TMEM131: variants seen among roughly 807,000 people sequenced by gnomAD.
TMEM131 encodes transmembrane protein 131.
TMEM131 carries 66 observed loss-of-function variants against 211.6 expected under a neutral mutation model. The ratio of observed to expected loss-of-function variants is 0.31; its 90% CI spans 0.26 to 0.38. The LOEUF (loss-of-function observed/expected upper bound fraction) is 0.38. Ranked by LOEUF, TMEM131 falls within the 10% of genes least tolerant of loss-of-function variation. TMEM131 has a pLI of 1.00. For missense variants in TMEM131, 2,036 were observed against 2,299.3 expected, an observed-to-expected ratio of 0.89 and a Z score of 2.34; for synonymous variants, 844 against 841.3, an observed-to-expected ratio of 1.00 and a Z score of -0.06.
intron 35 of TMEM131, chr2:97,765,280 C>A (rs566949413): frequency 5.6e-4 from 86 of 152,356 alleles, no homozygotes; most frequent in African/African-American, 1.7e-3. Context: ...CCGGCGAGAG[C>A]GTGGACGCCC....
intron 3 of TMEM131, among the ~76,000 whole-genome samples, chr2:97,906,079 G>A (rs970360215): frequency 1.3e-5 from 2 of 152,110 alleles, no homozygotes; most frequent in Admixed American, 1.3e-4. Flanking sequence ...AGTTGTAAGG[G>A]GTATCAAGAC....
chr2:97,993,272 C>T (rs1476423409), intron 1 of TMEM131, among the ~76,000 whole-genome samples: 2 of 152,168 alleles, frequency 1.3e-5, no homozygotes, highest in South Asian at 2.1e-4. Flanking sequence ...AAAATTCCTC[C>T]GGGTGTGAAT....
intron 11 of TMEM131, among the ~76,000 whole-genome samples, chr2:97,821,468 T>G (rs1682117205): frequency 6.6e-6 from 1 of 152,308 alleles, no homozygotes; most frequent in Non-Finnish European, 1.5e-5. Context: ...TGTGGAAGCT[T>G]TGTTCTTTCA....
At chr2:97,937,258 A>G (rs1347935242) in intron 1 of TMEM131, among the ~76,000 whole-genome samples, 3 of 152,212 alleles carry the variant, frequency 2.0e-5, no homozygotes, top group Non-Finnish European at 4.4e-5. Context: ...GAAATTCTGG[A>G]CATAAAAGTA....
chr2:97,965,277 C>T (rs1031327474), intron 1 of TMEM131, among the ~76,000 whole-genome samples: 5 of 152,156 alleles, frequency 3.3e-5, no homozygotes, highest in East Asian at 1.9e-4. Flanking sequence ...TCTCCTTCAC[C>T]GATTAATTCT....
chr2:97,839,366 AAC>A (rs1254324006), intron 7 of TMEM131, among the ~76,000 whole-genome samples: 3 of 151,906 alleles, frequency 2.0e-5, no homozygotes, highest in African/African-American at 4.8e-5. Context: ...CAACCAAAAA[AAC>A]CCCCAGAAGA....
chr2:97,833,261 C>A, intron 11 of TMEM131, 104 bp downstream of exon 11: 2 of 611,162 alleles, frequency 3.3e-6, no homozygotes, highest in Non-Finnish European at 5.5e-6. Context: ...AGGTCATCAC[C>A]AAATATAATT....
intron 22 of TMEM131, 49 bp downstream of exon 22, chr2:97,805,039 A>C: frequency 1.6e-6 from 2 of 1,235,406 alleles, no homozygotes; most frequent in Non-Finnish European, 2.3e-6. Flanking sequence ...TTATGTTTCA[A>C]TAGTCATCTT....
chr2:97,929,743 A>T (rs116177469), intron 1 of TMEM131, among the ~76,000 whole-genome samples: 2,212 of 151,930 alleles, frequency 0.015, 34 homozygotes, highest in Non-Finnish European at 0.022. Flanking sequence ...GCATATAGAG[A>T]ATATTCAATA....
intron 4 of TMEM131, among the ~76,000 whole-genome samples, chr2:97,885,600 T>C (rs550155464): frequency 2.0e-5 from 3 of 152,282 alleles, no homozygotes; most frequent in African/African-American, 7.2e-5. Flanking sequence ...TAATATATCA[T>C]TTCATTCTTT....
At chr2:97,771,649 G>A (rs1679470329) in intron 33 of TMEM131, among the ~76,000 whole-genome samples, 1 of 152,200 alleles carries the variant, frequency 6.6e-6, no homozygotes, top group South Asian at 2.1e-4. Context: ...AAAATTATCA[G>A]GTAGATGCTG....
At chr2:97,933,651 A>G (rs1677322637) in intron 1 of TMEM131, among the ~76,000 whole-genome samples, 1 of 152,100 alleles carries the variant, frequency 6.6e-6, no homozygotes, top group South Asian at 2.1e-4. Flanking sequence ...ATTAACTTAG[A>G]CAAAAAAAAA....
intron 11 of TMEM131, among the ~76,000 whole-genome samples, chr2:97,830,285 T>A (rs531001867): frequency 6.6e-6 from 1 of 152,126 alleles, no homozygotes; most frequent in African/African-American, 2.4e-5. Context: ...AATCAACACC[T>A]TGTAGTAAGC....
chr2:97,757,677 AG>A (rs1056251984), intron 40 of TMEM131, among the ~76,000 whole-genome samples: 5 of 152,292 alleles, frequency 3.3e-5, no homozygotes, highest in African/African-American at 1.2e-4. Context: ...CTGGGATTAC[AG>A]GCACTAGCCA....
intron 7 of TMEM131, among the ~76,000 whole-genome samples, chr2:97,837,859 T>C (rs1411283457): frequency 2.0e-5 from 3 of 152,244 alleles, no homozygotes; most frequent in Non-Finnish European, 4.4e-5. Context: ...AGCTTCCTCA[T>C]GCCTTGTGCA....
chr2:97,938,659 A>G (rs1677563911), intron 1 of TMEM131, among the ~76,000 whole-genome samples: 1 of 152,306 alleles, frequency 6.6e-6, no homozygotes. Flanking sequence ...AATTGAACTC[A>G]GGTCTGCACC....
intron 3 of TMEM131, among the ~76,000 whole-genome samples, chr2:97,904,798 CT>C (rs74265071): frequency 0.01 from 1,403 of 138,600 alleles, 13 homozygotes; most frequent in African/African-American, 0.02. Flanking sequence ...GGCTATAGTT[CT>C]TTTTTTTTTT....
At chr2:97,981,735 C>T (rs1679808125) in intron 1 of TMEM131, among the ~76,000 whole-genome samples, 1 of 152,130 alleles carries the variant, frequency 6.6e-6, no homozygotes, top group Admixed American at 6.5e-5. Context: ...TTCTAGACAA[C>T]CATGTTATCT....
chr2:97,770,997 G>A (rs957332632), intron 33 of TMEM131, among the ~76,000 whole-genome samples: 4 of 152,148 alleles, frequency 2.6e-5, no homozygotes, highest in Non-Finnish European at 4.4e-5. Flanking sequence ...TTCCTGTCCT[G>A]GGTGCCAGGA....
Sources: gnomAD v4.1 joint callset for allele counts (sites outside exome capture counted in the v4.1 genomes callset) on GRCh38, gnomAD v4.1.1 for gene constraint, MANE v1.5 for transcripts, NCBI Gene and HGNC (gene_info 2026-07-23, HGNC 2026-07-21) for gene names.